Variants in C1GALT1 observed in about 807,000 individuals in gnomAD.
The protein encoded by C1GALT1 is glycoprotein-N-acetylgalactosamine 3-beta-galactosyltransferase 1.
C1GALT1 carries 11 observed loss-of-function variants against 31.0 expected under a neutral mutation model. That is an observed-to-expected ratio of 0.36 (90% confidence interval 0.22 to 0.59). C1GALT1 has a LOEUF of 0.59. C1GALT1 is among the 20% of genes least tolerant of loss of function. C1GALT1 has a pLI of 0.79. For missense variants in C1GALT1, 424 were observed against 425.2 expected, an observed-to-expected ratio of 1.00 and a Z score of 0.03; for synonymous variants, 175 against 143.6, an observed-to-expected ratio of 1.22 and a Z score of -1.56.
In C1GALT1 at chr7:7,203,215, C is replaced by T. The variant is rs1249467642; in HGVS notation, c.-18+20395C>T. Among the ~76,000 whole-genome samples, 5 of 150,788 alleles carry T rather than the reference C, an allele frequency of 3.3e-5. No homozygotes were observed. In the East Asian group the frequency reaches 9.8e-4, roughly 30 times the overall value. On this transcript the variant is annotated intron_variant, in intron 1 of 3. Transcript: ENST00000436587. The stretch of plus-strand genomic sequence containing the variant: ...TTTGTTTCTTTTTCTTTCCTAATTG[C>T]TCTGGGTAGAACTTCCAGTACTATG...
At chr7:7,239,792 AAAG>A (rs1293811981) in intron 3 of C1GALT1, among the ~76,000 whole-genome samples, 13 of 152,328 alleles carry the variant, frequency 8.5e-5, no homozygotes, top group African/African-American at 2.2e-4. Flanking sequence ...TCAGTTATTT[AAAG>A]AAGAAAATGC....
chr7:7,187,285 T>A (rs999659494), intron 1 of C1GALT1, among the ~76,000 whole-genome samples: 1 of 151,924 alleles, frequency 6.6e-6, no homozygotes, highest in South Asian at 2.1e-4. Flanking sequence ...AGTCTCACTC[T>A]GTCGCCCAGG....
chr7:7,174,139 C>T (rs920429736), intron 2 of C1GALT1, among the ~76,000 whole-genome samples: 1 of 151,966 alleles, frequency 6.6e-6, no homozygotes, highest in Non-Finnish European at 1.5e-5. Flanking sequence ...TCTGGTATCT[C>T]TTCTTGAGAA....
In C1GALT1 at chr7:7,186,045, C is replaced by A. The variant is rs539029321; in HGVS notation, c.-18+3225C>A. 3.5e-4 allele frequency among the ~76,000 whole-genome samples: 42 copies of A among 118,368 alleles called. No homozygotes were observed. In the South Asian group the frequency reaches 0.011, roughly 32 times the overall value. 77.7% of individuals were successfully genotyped at this position (118,368 alleles called of 152,430 possible). On this transcript the variant is annotated intron_variant, in intron 1 of 3. Coordinates refer to ENST00000436587, the MANE Select transcript of C1GALT1 (RefSeq NM_020156.5). ...GCTGAAAAGTCCTGGTTCAGGGGGCCACATCTGGTGAGGGCATTTGCTGGT... is the reference window on the plus strand; with the variant it reads ...GCTGAAAAGTCCTGGTTCAGGGGGCAACATCTGGTGAGGGCATTTGCTGGT...
At chr7:7,231,192 T>G (rs1783057353) in intron 1 of C1GALT1, among the ~76,000 whole-genome samples, 1 of 152,230 alleles carries the variant, frequency 6.6e-6, no homozygotes, top group Admixed American at 6.5e-5. Context: ...GCAGTCTTGA[T>G]TCTGTTGTTG....
chr7:7,235,141 A>G (rs898799467), intron 2 of C1GALT1: 4 of 152,282 alleles, frequency 2.6e-5, no homozygotes, highest in African/African-American at 4.8e-5. Flanking sequence ...TCTGTGTGAC[A>G]TCATTAACCC....
intron 1 of C1GALT1, among the ~76,000 whole-genome samples, chr7:7,207,911 C>T (rs182659510): frequency 6.6e-6 from 1 of 151,994 alleles, no homozygotes; most frequent in East Asian, 1.9e-4. Context: ...ATACAATAGT[C>T]CCTCTTTATC....
chr7:7,173,086 T>G (rs1562553422), intron 2 of C1GALT1, among the ~76,000 whole-genome samples: 1 of 152,140 alleles, frequency 6.6e-6, no homozygotes, highest in South Asian at 2.1e-4. Flanking sequence ...TTTGCCTGAA[T>G]CTCATGTTGA....
chr7:7,212,521 T>C (rs1218637428), intron 1 of C1GALT1, among the ~76,000 whole-genome samples: 1 of 152,096 alleles, frequency 6.6e-6, no homozygotes, highest in Admixed American at 6.5e-5. Context: ...TGGGGAAAAA[T>C]GAACATTGTT....
intron 2 of C1GALT1, among the ~76,000 whole-genome samples, chr7:7,175,429 C>A (rs1780495003): frequency 6.6e-6 from 1 of 152,244 alleles, no homozygotes; most frequent in Non-Finnish European, 1.5e-5. Flanking sequence ...TTGCCCTGGG[C>A]ATGTGCATGG....
chr7:7,214,629 C>G (rs557535450), intron 1 of C1GALT1, among the ~76,000 whole-genome samples: 20 of 152,246 alleles, frequency 1.3e-4, no homozygotes, highest in Non-Finnish European at 2.8e-4. Flanking sequence ...GGTAATGACT[C>G]AACTGAGGGT....
intron 1 of C1GALT1, among the ~76,000 whole-genome samples, chr7:7,208,595 G>T (rs1293727253): frequency 6.6e-6 from 1 of 152,188 alleles, no homozygotes; most frequent in Non-Finnish European, 1.5e-5. Context: ...CAGCCTTTAA[G>T]TTCCTTGGCA....
At chr7:7,191,782 A>G (rs569314796) in intron 1 of C1GALT1, among the ~76,000 whole-genome samples, 32 of 152,124 alleles carry the variant, frequency 2.1e-4, no homozygotes, top group African/African-American at 7.7e-4. Flanking sequence ...CTTAGGAGAA[A>G]TGTGTATTTG....
intron 1 of C1GALT1, among the ~76,000 whole-genome samples, chr7:7,228,257 G>C (rs948388160): frequency 2.0e-5 from 3 of 152,118 alleles, no homozygotes; most frequent in Admixed American, 6.5e-5. Context: ...ACAATGAATA[G>C]CATAAAGCTG....
At chr7:7,217,809 T>G (rs1782314610) in intron 1 of C1GALT1, among the ~76,000 whole-genome samples, 1 of 152,186 alleles carries the variant, frequency 6.6e-6, no homozygotes, top group African/African-American at 2.4e-5. Flanking sequence ...ATTCTGGGAT[T>G]ACAGGCATGA....
intron 1 of C1GALT1, among the ~76,000 whole-genome samples, chr7:7,196,384 G>C (rs922891624): frequency 2.6e-5 from 4 of 152,124 alleles, no homozygotes; most frequent in African/African-American, 2.4e-5. Context: ...CCCTACAGAG[G>C]ACATGAACTC....
intron 1 of C1GALT1, among the ~76,000 whole-genome samples, chr7:7,212,475 A>C (rs1235159296): frequency 2.6e-5 from 4 of 152,224 alleles, no homozygotes; most frequent in Non-Finnish European, 4.4e-5. Flanking sequence ...AGTTAAGAGT[A>C]ATTACAGTTA....
chr7:7,236,644 C>G (rs1377707909), intron 2 of C1GALT1, among the ~76,000 whole-genome samples: 1 of 152,094 alleles, frequency 6.6e-6, no homozygotes, highest in Non-Finnish European at 1.5e-5. Flanking sequence ...GCCTTAGCCT[C>G]CCGAGTAGCT....
intron 1 of C1GALT1, among the ~76,000 whole-genome samples, chr7:7,219,344 T>A (rs1281936981): frequency 1.3e-5 from 2 of 152,220 alleles, no homozygotes; most frequent in African/African-American, 4.8e-5. Flanking sequence ...ACTGTAGACT[T>A]TGAATGATAA....
Sources: gnomAD v4.1 joint callset for allele counts (sites outside exome capture counted in the v4.1 genomes callset) on GRCh38, gnomAD v4.1.1 for gene constraint, MANE v1.5 for transcripts, NCBI Gene and HGNC (gene_info 2026-07-23, HGNC 2026-07-21) for gene names.